Variants in PRR16 observed in about 807,000 individuals in gnomAD.
The protein encoded by PRR16 is protein Largen.
A neutral mutation model predicts 18.2 loss-of-function variants in PRR16; 6 were observed. That is an observed-to-expected ratio of 0.33 (90% CI 0.18 to 0.65). The LOEUF is 0.65. PRR16 is among the 30% of genes least tolerant of loss of function. The pLI is 0.74. For missense variants in PRR16, 412 were observed against 376.6 expected, an observed-to-expected ratio of 1.09 and a Z score of -0.78; for synonymous variants, 151 against 147.8, an observed-to-expected ratio of 1.02 and a Z score of -0.16.
At chr5:120,498,791 T>A (rs920119270) in intron 1 of PRR16, among the ~76,000 whole-genome samples, 7 of 151,036 alleles carry the variant, frequency 4.6e-5, no homozygotes, top group African/African-American at 1.7e-4. Flanking sequence ...TTTTCACTGT[T>A]TATAGGATTC....
intron 1 of PRR16, among the ~76,000 whole-genome samples, chr5:120,661,160 A>T (rs1756160928): frequency 6.6e-6 from 1 of 152,096 alleles, no homozygotes. Flanking sequence ...TTTGAGCTTC[A>T]TATCTTTCTT....
chr5:120,710,091 A>C, the PRR16 span, among the ~76,000 whole-genome samples: 2 of 152,198 alleles, frequency 1.3e-5, no homozygotes, highest in South Asian at 2.1e-4. Context: ...CATTCCTACC[A>C]ACAGTGTATG....
At chr5:120,707,349 C>A in the PRR16 span, among the ~76,000 whole-genome samples, 1 of 152,130 alleles carries the variant, frequency 6.6e-6, no homozygotes, top group Admixed American at 6.6e-5. Context: ...ACACTTCAGG[C>A]TTACAAAAGT....
At chr5:120,467,207 C>T (rs10050532) in intron 1 of PRR16, among the ~76,000 whole-genome samples, 63,539 of 151,854 alleles carry the variant, frequency 0.42, 14,269 homozygotes, top group African/African-American at 0.57. Context: ...ATTCTGGCAG[C>T]TTAAAATTAG....
At chr5:120,497,290 A>G (rs1487873713) in intron 1 of PRR16, among the ~76,000 whole-genome samples, 1 of 150,658 alleles carries the variant, frequency 6.6e-6, no homozygotes, top group Admixed American at 6.6e-5. Context: ...GTTTTGAGGA[A>G]GGAATGTTGA....
intron 1 of PRR16, among the ~76,000 whole-genome samples, chr5:120,631,666 C>T (rs1383526404): frequency 2.0e-5 from 3 of 152,080 alleles, no homozygotes; most frequent in African/African-American, 7.2e-5. Flanking sequence ...TTCCCCACAA[C>T]AGCCAAAGCA....
the PRR16 span, among the ~76,000 whole-genome samples, chr5:120,715,155 T>C: frequency 6.6e-6 from 1 of 152,208 alleles, no homozygotes; most frequent in African/African-American, 2.4e-5. Flanking sequence ...ATTTTCTCTT[T>C]TGTTATCATC....
chr5:120,606,100 G>A (rs899684379), intron 1 of PRR16, among the ~76,000 whole-genome samples: 2 of 152,222 alleles, frequency 1.3e-5, no homozygotes, highest in Non-Finnish European at 2.9e-5. Flanking sequence ...GCTGCATGAT[G>A]GTGGGACAGT....
At chr5:120,598,614 G>C (rs750828354) in intron 1 of PRR16, among the ~76,000 whole-genome samples, 1 of 151,710 alleles carries the variant, frequency 6.6e-6, no homozygotes, top group East Asian at 1.9e-4. Flanking sequence ...GATACCTGTC[G>C]TTCCCATTTT....
intron 1 of PRR16, among the ~76,000 whole-genome samples, chr5:120,658,648 A>C (rs1222890764): frequency 1.3e-5 from 2 of 151,972 alleles, no homozygotes; most frequent in Non-Finnish European, 2.9e-5. Context: ...ATACTACAAC[A>C]ATACATATGC....
At chr5:120,581,428 C>A (rs902910715) in intron 1 of PRR16, among the ~76,000 whole-genome samples, 2 of 152,110 alleles carry the variant, frequency 1.3e-5, no homozygotes, top group African/African-American at 4.8e-5. Flanking sequence ...AATAGTCTAG[C>A]TAGCAGTCTA....
intron 1 of PRR16, among the ~76,000 whole-genome samples, chr5:120,554,981 A>T (rs1306411687): frequency 6.6e-6 from 1 of 151,976 alleles, no homozygotes; most frequent in Non-Finnish European, 1.5e-5. Context: ...ATTGAGGATG[A>T]AGCCAAATGC....
the PRR16 span, among the ~76,000 whole-genome samples, chr5:120,781,657 G>C: frequency 0.022 from 3,393 of 152,202 alleles, 139 homozygotes; most frequent in African/African-American, 0.078. Context: ...GTATGACAAG[G>C]AGCCATATTT....
At chr5:120,743,228 A>G in the PRR16 span, among the ~76,000 whole-genome samples, 1 of 152,072 alleles carries the variant, frequency 6.6e-6, no homozygotes, top group Non-Finnish European at 1.5e-5. Flanking sequence ...TTCACCTCCT[A>G]TAATCCCATT....
At chr5:120,551,528 A>G (rs879694060) in intron 1 of PRR16, among the ~76,000 whole-genome samples, 20 of 151,838 alleles carry the variant, frequency 1.3e-4, no homozygotes, top group Non-Finnish European at 2.5e-4. Context: ...CATATAATCA[A>G]TGTATGATGA....
At chr5:120,670,873 C>T (rs1347521039) in intron 1 of PRR16, among the ~76,000 whole-genome samples, 2 of 152,062 alleles carry the variant, frequency 1.3e-5, no homozygotes, top group South Asian at 2.1e-4. Flanking sequence ...CTGTAATTTC[C>T]GTAGATTTGC....
the PRR16 span, among the ~76,000 whole-genome samples, chr5:120,756,667 C>T: frequency 1.3e-5 from 2 of 151,696 alleles, no homozygotes; most frequent in African/African-American, 2.4e-5. Context: ...GTTTAAGTTC[C>T]TTATGAATAG....
At chr5:120,763,970 G>C in the PRR16 span, among the ~76,000 whole-genome samples, 1 of 152,168 alleles carries the variant, frequency 6.6e-6, no homozygotes, top group Admixed American at 6.5e-5. Flanking sequence ...GAATCTGTAG[G>C]ATCGTCTAAA....
Position 120,482,275 on chromosome 5 carries a change from C to A in PRR16, c.159+17630C>A, listed in dbSNP as rs543847973. 5.3e-5 allele frequency among the ~76,000 whole-genome samples: 8 copies of A among 152,228 alleles called. No individual in the cohort carries two copies. The East Asian group carries it at 1.4e-3, about 26-fold the overall frequency. ...TACCCAATAGTTTTTCAACACTTTT[C>A]CCGCTTCTTCTCTCCCCCCATTAGT... On this transcript the variant is annotated intron_variant, in intron 1 of 1. Transcript: ENST00000407149.
Sources: gnomAD v4.1 joint callset for allele counts (sites outside exome capture counted in the v4.1 genomes callset) on GRCh38, gnomAD v4.1.1 for gene constraint, MANE v1.5 for transcripts, NCBI Gene and HGNC (gene_info 2026-07-23, HGNC 2026-07-21) for gene names.